Variants in ZNF385D observed in about 807,000 individuals in gnomAD.
ZNF385D encodes the protein zinc finger protein 385D.
In ZNF385D, 15 loss-of-function variants were observed where a neutral mutation model predicts 35.8. That is an observed-to-expected ratio of 0.42 (90% CI 0.28 to 0.64). The LOEUF (loss-of-function observed/expected upper bound fraction) is 0.64. Ranked by LOEUF, ZNF385D falls within the 30% of genes least tolerant of loss-of-function variation. The pLI is 0.23. For missense variants in ZNF385D, 474 were observed against 494.6 expected, an observed-to-expected ratio of 0.96 and a Z score of 0.39; for synonymous variants, 212 against 186.8, an observed-to-expected ratio of 1.13 and a Z score of -1.10.
chr3:21,630,425 G>T (rs2065248699), intron 2 of ZNF385D, among the ~76,000 whole-genome samples: 1 of 152,040 alleles, frequency 6.6e-6, no homozygotes, highest in African/African-American at 2.4e-5. Flanking sequence ...GGCTGGTCTT[G>T]AACTCCTGAC....
intron 1 of ZNF385D, among the ~76,000 whole-genome samples, chr3:21,671,626 G>T (rs905886436): frequency 6.6e-6 from 1 of 152,036 alleles, no homozygotes; most frequent in East Asian, 1.9e-4. Flanking sequence ...GATACAAATA[G>T]CTTTTGAACT....
chr3:22,084,784 C>A (rs1700939003), intron 3 of ZNF385D, among the ~76,000 whole-genome samples: 2 of 152,194 alleles, frequency 1.3e-5, no homozygotes, highest in Admixed American at 6.5e-5. Context: ...TTCTTCTCAG[C>A]ACCACATCAC....
chr3:21,464,743 A>AACACACACAC (rs6147726), intron 4 of ZNF385D, among the ~76,000 whole-genome samples: 33 of 150,314 alleles, frequency 2.2e-4, no homozygotes, highest in African/African-American at 6.7e-4. Context: ...AATAAATTAA[A>AACACACACAC]ACACACACAC....
At chr3:21,556,577 T>C (rs948383533) in intron 3 of ZNF385D, among the ~76,000 whole-genome samples, 3 of 152,214 alleles carry the variant, frequency 2.0e-5, no homozygotes, top group African/African-American at 4.8e-5. Context: ...CTTCCATTGA[T>C]CTATATATCT....
At chr3:22,261,212 G>A (rs890377788) in intron 2 of ZNF385D, among the ~76,000 whole-genome samples, 7 of 151,722 alleles carry the variant, frequency 4.6e-5, no homozygotes, top group South Asian at 2.1e-4. Flanking sequence ...AAAGTTAAGG[G>A]GTGAGACCAG....
chr3:21,798,544 G>T lies in ZNF385D; in HGVS notation c.326-133516C>A, dbSNP rs189957942. Among the ~76,000 whole-genome samples the T allele has an allele frequency of 3.3e-5, 5 of 151,876 alleles. No homozygotes were observed. In the East Asian group the frequency reaches 7.7e-4, roughly 24 times the overall value. On this transcript the variant is annotated intron_variant, in intron 3 of 5. Coordinates refer to the ZNF385D transcript ENST00000494108. ...GCTGCAGTTTCTTGTCTCTTCAATT[G>T]GCTCATCTAATTAGGTCAGTCCCAC...
intron 2 of ZNF385D, among the ~76,000 whole-genome samples, chr3:21,592,543 C>CA (rs3041752): frequency 0.42 from 52,506 of 124,540 alleles, 11,002 homozygotes; most frequent in African/African-American, 0.6. Flanking sequence ...GTCTTCATGG[C>CA]AAAAAAAAAA....
intron 2 of ZNF385D, among the ~76,000 whole-genome samples, chr3:21,609,962 C>T (rs1340779752): frequency 6.6e-6 from 1 of 152,152 alleles, no homozygotes; most frequent in Non-Finnish European, 1.5e-5. Flanking sequence ...TCCAGTTGCG[C>T]AGGCAAATAA....
intron 4 of ZNF385D, 36 bp downstream of exon 4, chr3:21,510,825 C>T (rs767076149): frequency 6.2e-6 from 10 of 1,609,244 alleles, no homozygotes; most frequent in Middle Eastern, 1.6e-4. Context: ...CCAACGACGA[C>T]GACGAGGACA....
Position 22,230,925 on chromosome 3 carries a change from G to C in ZNF385D, c.107-61890C>G, listed in dbSNP as rs546038391. Among the ~76,000 whole-genome samples the C allele has an allele frequency of 3.9e-5, 6 of 152,174 alleles. No individual in the cohort carries two copies. The South Asian group carries it at 1.2e-3, about 32-fold the overall frequency. On this transcript the variant is annotated intron_variant, in intron 2 of 5. Coordinates refer to the ZNF385D transcript ENST00000494108. ...AAAAGATGAAAATTCTACAGTTTCAGGGTCATTTAGCTGAGGCACTCAGGA... is the reference window on the plus strand; with the variant it reads ...AAAAGATGAAAATTCTACAGTTTCACGGTCATTTAGCTGAGGCACTCAGGA...
At chr3:21,929,395 G>C (rs903677921) in intron 3 of ZNF385D, among the ~76,000 whole-genome samples, 1 of 151,988 alleles carries the variant, frequency 6.6e-6, no homozygotes, top group Non-Finnish European at 1.5e-5. Flanking sequence ...CTCACCCAAA[G>C]ACTGGGAGCA....
At chr3:21,959,678 C>T (rs186217386) in intron 3 of ZNF385D, among the ~76,000 whole-genome samples, 337 of 152,262 alleles carry the variant, frequency 2.2e-3, no homozygotes, top group South Asian at 8.5e-3. Flanking sequence ...TGGGTGGGTA[C>T]ACAGAAAAGG....
At chr3:22,219,266 T>C (rs770469611) in intron 2 of ZNF385D, among the ~76,000 whole-genome samples, 8 of 152,100 alleles carry the variant, frequency 5.3e-5, no homozygotes, top group Non-Finnish European at 1.0e-4. Flanking sequence ...ATATTTCTAG[T>C]CTTTTTTTCA....
intron 3 of ZNF385D, among the ~76,000 whole-genome samples, chr3:21,848,767 C>T (rs1014432509): frequency 6.6e-6 from 1 of 152,002 alleles, no homozygotes; most frequent in African/African-American, 2.4e-5. Context: ...AAAGAAAAGT[C>T]CAGGACCATA....
At chr3:22,108,875 G>A (rs750741833) in intron 3 of ZNF385D, among the ~76,000 whole-genome samples, 3 of 152,002 alleles carry the variant, frequency 2.0e-5, no homozygotes, top group African/African-American at 4.8e-5. Context: ...AGCTGTGTGC[G>A]GTGGTAGGTG....
At chr3:21,531,000 A>C (rs1284545739) in intron 3 of ZNF385D, among the ~76,000 whole-genome samples, 1 of 152,192 alleles carries the variant, frequency 6.6e-6, no homozygotes, top group African/African-American at 2.4e-5. Flanking sequence ...CCTGAGACCC[A>C]CACTTGCCAA....
intron 3 of ZNF385D, among the ~76,000 whole-genome samples, chr3:21,779,889 T>C (rs1342882141): frequency 6.6e-6 from 1 of 151,950 alleles, no homozygotes; most frequent in African/African-American, 2.4e-5. Context: ...TATTTCCTCA[T>C]ACTTAGTCCG....
chr3:21,686,652 TACA>T (rs2067114774), intron 1 of ZNF385D, among the ~76,000 whole-genome samples: 1 of 152,232 alleles, frequency 6.6e-6, no homozygotes, highest in South Asian at 2.1e-4. Flanking sequence ...TGCACTTACA[TACA>T]GCACACCTCA....
At chr3:21,943,582 G>A (rs1413263945) in intron 3 of ZNF385D, among the ~76,000 whole-genome samples, 2 of 151,842 alleles carry the variant, frequency 1.3e-5, no homozygotes, top group African/African-American at 4.8e-5. Context: ...ATAGCAACAT[G>A]TACTCAACAA....
Sources: allele counts gnomAD v4.1 joint callset (sites outside exome capture counted in the v4.1 genomes callset), GRCh38; gene constraint gnomAD v4.1.1; transcripts MANE v1.5; gene names NCBI Gene and HGNC (gene_info 2026-07-23, HGNC 2026-07-21).